Variants in MAN2A1 observed in about 807,000 individuals in gnomAD.
The protein encoded by MAN2A1 is alpha-mannosidase 2.
MAN2A1 carries 76 observed loss-of-function variants against 142.6 expected under a neutral mutation model. The ratio of observed to expected loss-of-function variants is 0.53; its 90% CI spans 0.44 to 0.65. The LOEUF (loss-of-function observed/expected upper bound fraction) is 0.65. Among genes scored for constraint, MAN2A1 ranks in the 30% least tolerant of loss-of-function variants. The probability of loss-of-function intolerance (pLI) is 0.00; values close to 1 mark genes in which losing one functional copy is unlikely to be tolerated. For synonymous variants in MAN2A1, 559 were observed against 473.2 expected, an observed-to-expected ratio of 1.18 and a Z score of -2.35; for missense variants, 1,311 against 1,365.1, an observed-to-expected ratio of 0.96 and a Z score of 0.62.
intron 19 of MAN2A1, among the ~76,000 whole-genome samples, chr5:109,852,232 T>TAA (rs1229101911): frequency 5.3e-5 from 8 of 152,132 alleles, no homozygotes; most frequent in Admixed American, 2.0e-4. Context: ...TACAGATACT[T>TAA]ACCTCCAAAT....
chr5:109,799,406 A>G (rs1753954458), intron 12 of MAN2A1, among the ~76,000 whole-genome samples: 1 of 151,870 alleles, frequency 6.6e-6, no homozygotes, highest in Non-Finnish European at 1.5e-5. Context: ...ATTCTTGGAC[A>G]CTCCATTTTT....
intron 12 of MAN2A1, among the ~76,000 whole-genome samples, chr5:109,798,345 C>T (rs1753918082): frequency 6.6e-6 from 1 of 152,190 alleles, no homozygotes. Flanking sequence ...ACTGTTAACT[C>T]CTCAAACATC....
intron 4 of MAN2A1, among the ~76,000 whole-genome samples, chr5:109,753,874 A>G (rs977412168): frequency 6.6e-6 from 1 of 151,970 alleles, no homozygotes; most frequent in Non-Finnish European, 1.5e-5. Context: ...TGTGGCACTT[A>G]AGATAGATAC....
intron 4 of MAN2A1, among the ~76,000 whole-genome samples, chr5:109,745,029 T>G (rs1448302064): frequency 6.6e-6 from 1 of 152,134 alleles, no homozygotes; most frequent in Non-Finnish European, 1.5e-5. Flanking sequence ...ATTTCCATTT[T>G]ATGAATTCTG....
In MAN2A1 at chr5:109,772,051, TG is replaced by T. The variant is rs144669951; in HGVS notation, c.1196+1515del. 6.7e-3 allele frequency among the ~76,000 whole-genome samples: 1,022 copies of T among 152,304 alleles called. 15 individuals carry two copies. The highest frequency in any genetic ancestry group is 0.022 in the African/African-American group (906 of 41,568). ...GTTTTGAAAGTGATTTCCAGGCACC[TG>T]GGGGCATACTGTTGAATGAGTCTAT... is the stretch of plus-strand genomic sequence containing the variant. On this transcript the variant is annotated intron_variant, in intron 7 of 21. Coordinates refer to ENST00000261483, the MANE Select transcript of MAN2A1 (RefSeq NM_002372.4).
intron 8 of MAN2A1, among the ~76,000 whole-genome samples, chr5:109,778,165 T>C (rs985149871): frequency 6.6e-6 from 1 of 152,062 alleles, no homozygotes; most frequent in African/African-American, 2.4e-5. Flanking sequence ...ACTACAATTA[T>C]TGGGCCATCT....
intron 16 of MAN2A1, chr5:109,840,726 G>A (rs995081864): frequency 3.0e-5 from 11 of 370,034 alleles, no homozygotes; most frequent in South Asian, 2.0e-4. Flanking sequence ...TGGCCCAAGG[G>A]GGATGGAAGG....
intron 18 of MAN2A1, 60 bp from the exon 19 acceptor site, chr5:109,847,597 A>G (rs1755373957): frequency 1.2e-5 from 16 of 1,370,684 alleles, no homozygotes; most frequent in South Asian, 1.9e-5. Flanking sequence ...GTGATGCTCA[A>G]TGAATGTCAG....
At chr5:109,787,484 A>G (rs539136547) in intron 10 of MAN2A1, among the ~76,000 whole-genome samples, 14 of 152,152 alleles carry the variant, frequency 9.2e-5, no homozygotes, top group Non-Finnish European at 1.8e-4. Context: ...GTTTTACCCA[A>G]TGTTTCCCAA....
intron 8 of MAN2A1, among the ~76,000 whole-genome samples, chr5:109,780,098 C>T (rs1453787523): frequency 2.6e-5 from 4 of 152,108 alleles, no homozygotes; most frequent in African/African-American, 7.2e-5. Context: ...CGCTCTGTCA[C>T]CCAGGCTGGA....
At chr5:109,783,787 G>A (rs1204748328) in intron 9 of MAN2A1, among the ~76,000 whole-genome samples, 1 of 148,682 alleles carries the variant, frequency 6.7e-6, no homozygotes, top group Non-Finnish European at 1.5e-5. Flanking sequence ...ATCCTCTGAT[G>A]AAAAAACATA....
chr5:109,751,095 G>A (rs1305443415), intron 4 of MAN2A1, among the ~76,000 whole-genome samples: 2 of 151,912 alleles, frequency 1.3e-5, no homozygotes, highest in South Asian at 4.2e-4. Flanking sequence ...CTGCATGTTT[G>A]TACCCATTAA....
rs950652173 is a variant in MAN2A1, at chr5:109,785,021, A to G, written c.1760+95A>G. 2.0e-5 allele frequency: 16 copies of G among 810,844 alleles called. No individual in the cohort carries two copies. In the Admixed American group the frequency reaches 4.6e-4, roughly 23 times the overall value. 50.2% of individuals were successfully genotyped at this position (810,844 alleles called of 1,614,324 possible). A position where few individuals can be genotyped will look rare whatever the true frequency, so the allele number is the denominator to read the frequency against. ...TGGTGAAGTTGTTAGTGTATATCAAACCACATTAACAATGATATCCCTCAT... is the reference window on the plus strand; with the variant it reads ...TGGTGAAGTTGTTAGTGTATATCAAGCCACATTAACAATGATATCCCTCAT... On this transcript the variant is annotated intron_variant, in intron 10 of 21. Transcript: ENST00000261483.
At chr5:109,764,374 C>T (rs1010546124) in intron 5 of MAN2A1, among the ~76,000 whole-genome samples, 1 of 152,040 alleles carries the variant, frequency 6.6e-6, no homozygotes, top group African/African-American at 2.4e-5. Flanking sequence ...TAATCTTGTT[C>T]TTGCATGAAG....
chr5:109,841,630 TG>T (rs2112756489), intron 16 of MAN2A1, among the ~76,000 whole-genome samples: 1 of 152,280 alleles, frequency 6.6e-6, no homozygotes, highest in East Asian at 1.9e-4. Context: ...CTTATCCAAA[TG>T]AATGTTTGAT....
intron 12 of MAN2A1, among the ~76,000 whole-genome samples, chr5:109,806,293 A>G (rs1214792824): frequency 6.6e-6 from 1 of 152,116 alleles, no homozygotes; most frequent in African/African-American, 2.4e-5. Flanking sequence ...TGGCTGTACC[A>G]TTTCTATGGC....
intron 20 of MAN2A1, among the ~76,000 whole-genome samples, chr5:109,855,829 A>G (rs1410971342): frequency 6.6e-6 from 1 of 152,194 alleles, no homozygotes; most frequent in Non-Finnish European, 1.5e-5. Flanking sequence ...ATTTAGTTAG[A>G]CTGCAGTTAT....
At position 109,784,873 on chromosome 5, in the gene MAN2A1, T is replaced by C. The variant is rs756011287; in HGVS notation, c.1707T>C (p.His569=). 6.2e-7 allele frequency: 1 copy of C among 1,612,528 alleles called. No individual in the cohort carries two copies. The highest frequency in any genetic ancestry group is 1.1e-5 in the South Asian group (1 of 90,708). Residue 569 remains histidine (H), a synonymous_variant, in exon 10 of 22, where the codon CAT becomes CAC. Coordinates refer to ENST00000261483, the MANE Select transcript of MAN2A1 (RefSeq NM_002372.4). ...ARRNLGLFQH[H]DAITGTAKDW... is the part of the protein sequence containing the mutation. ...GGAATTTGGGACTGTTTCAACATCATGATGCTATCACAGGAACTGCAAAAG... is the reference window on the plus strand; with the variant it reads ...GGAATTTGGGACTGTTTCAACATCACGATGCTATCACAGGAACTGCAAAAG...
chr5:109,748,269 ATCT>A (rs1752457502), intron 4 of MAN2A1, among the ~76,000 whole-genome samples: 1 of 152,196 alleles, frequency 6.6e-6, no homozygotes, highest in Middle Eastern at 3.4e-3. Context: ...CAACTTTTTG[ATCT>A]TCTTATCTGA....
Sources: allele counts gnomAD v4.1 joint callset (sites outside exome capture counted in the v4.1 genomes callset), GRCh38; gene constraint gnomAD v4.1.1; transcripts MANE v1.5; gene names NCBI Gene and HGNC (gene_info 2026-07-23, HGNC 2026-07-21).